MMS22L: variants seen among roughly 807,000 people sequenced by gnomAD.
MMS22L encodes the protein protein MMS22-like.
A neutral mutation model predicts 159.1 loss-of-function variants in MMS22L; 74 were observed. That is an observed-to-expected ratio of 0.47 (90% CI 0.39 to 0.56). The LOEUF (loss-of-function observed/expected upper bound fraction) is 0.56, where lower values mean the gene tolerates loss of function less well. Ranked by LOEUF, MMS22L falls within the 20% of genes least tolerant of loss-of-function variation. MMS22L has a pLI of 0.00. For synonymous variants in MMS22L, 517 were observed against 506.9 expected, an observed-to-expected ratio of 1.02 and a Z score of -0.27; for missense variants, 1,351 against 1,422.1, an observed-to-expected ratio of 0.95 and a Z score of 0.80.
upstream of MMS22L, chr6:97,283,403 C>T (rs932185520): frequency 6.8e-6 from 1 of 146,750 alleles, no homozygotes; most frequent in Non-Finnish European, 1.5e-5. Context: ...AAAAAAAAAA[C>T]AGAACTGCTG....
At position 97,168,212 on chromosome 6, in the gene MMS22L, G is replaced by A. The variant is rs1306862212; in HGVS notation, c.2868C>T (p.Ile956=). 6.2e-7 allele frequency: 1 copy of A among 1,612,840 alleles called. No homozygotes were observed. The highest frequency in any genetic ancestry group is 1.1e-5 in the South Asian group (1 of 90,998). The change falls in exon 20 of 25, where the codon ATC becomes ATT. Residue 956 remains isoleucine, a synonymous_variant. Coordinates refer to ENST00000683635, the MANE Select transcript of MMS22L (RefSeq NM_001350599.2). Reference sequence around the variant, plus strand: ...ATTTTTGGGCTTTAGAAGTGGCAAAGATTTGTGCCCATGATTTCACAAGAA... The same window carrying A: ...ATTTTTGGGCTTTAGAAGTGGCAAAAATTTGTGCCCATGATTTCACAAGAA... ...MGILVKSWAQ[I]FATSKAQKLL... is the part of the protein sequence containing the mutation.
intron 4 of MMS22L, among the ~76,000 whole-genome samples, chr6:97,276,085 A>G (rs1013803728): frequency 6.6e-6 from 1 of 152,194 alleles, no homozygotes; most frequent in Admixed American, 6.5e-5. Context: ...TTCTGCCTCA[A>G]CTGGAAATTA....
At chr6:97,215,577 A>G (rs1423416879) in intron 14 of MMS22L, among the ~76,000 whole-genome samples, 1 of 152,104 alleles carries the variant, frequency 6.6e-6, no homozygotes, top group African/African-American at 2.4e-5. Context: ...TGTGCTAGGC[A>G]ATTTAGATCC....
At chr6:97,204,133 C>T (rs907985456) in intron 14 of MMS22L, among the ~76,000 whole-genome samples, 5 of 152,098 alleles carry the variant, frequency 3.3e-5, no homozygotes, top group African/African-American at 1.2e-4. Context: ...GTTTATTAAA[C>T]AATATTATTT....
chr6:97,267,890 T>C lies in MMS22L; in HGVS notation c.810A>G (p.Ser270=). The change falls in exon 8 of 25, where the codon TCA becomes TCG. Residue 270 remains serine (S), a synonymous_variant. Coordinates refer to ENST00000683635, the MANE Select transcript of MMS22L (RefSeq NM_001350599.2). The stretch of plus-strand genomic sequence containing the variant: ...GCATTACCTTGTCGTACCTGTTGAG[T>C]GACAGGCTTATTAAATCACAAAGGA... The part of the protein sequence containing the change: ...ETLLCDLISL[S]LNRYDKVRSS... The C allele has an allele frequency of 6.2e-7, 1 of 1,606,582 alleles. No individual in the cohort carries two copies. The highest frequency in any genetic ancestry group is 8.5e-7 in the Non-Finnish European group (1 of 1,177,772).
intron 22 of MMS22L, among the ~76,000 whole-genome samples, chr6:97,160,456 C>A (rs1034071007): frequency 6.6e-6 from 1 of 152,052 alleles, no homozygotes; most frequent in Admixed American, 6.6e-5. Flanking sequence ...CCCCCAGTTT[C>A]CTCTGAGAAG....
At chr6:97,188,301 T>G (rs2128282856) in intron 14 of MMS22L, among the ~76,000 whole-genome samples, 1 of 152,362 alleles carries the variant, frequency 6.6e-6, no homozygotes, top group South Asian at 2.1e-4. Context: ...CTTATGGTAC[T>G]TGAGTAGGAT....
At chr6:97,191,039 T>C (rs1805808931) in intron 14 of MMS22L, among the ~76,000 whole-genome samples, 1 of 152,220 alleles carries the variant, frequency 6.6e-6, no homozygotes. Flanking sequence ...TTCATCTGAC[T>C]GCTCTTTTGC....
rs1252558726 is a variant in MMS22L, at chr6:97,229,188, G to A, written c.1745C>T (p.Ala582Val). Residue 582 changes from alanine (A) to valine (V), a missense_variant, in exon 14 of 25, where the codon GCC (alanine) becomes GTC (valine). Physicochemically the swap from Ala to Val is moderately conservative, Grantham distance 64. Transcript: ENST00000683635. ...AACACCAATGTCCAGATTTTTCTGG[G>A]CATACATCAAGAGGAAGGCCATGTG... ...KGHMAFLLMYAQKNLDIGVLA... is the reference protein window; with the variant it reads ...KGHMAFLLMYVQKNLDIGVLA... The A allele has an allele frequency of 6.2e-7, 1 of 1,613,926 alleles. No individual in the cohort carries two copies. Among genetic ancestry groups the A allele is most frequent in the East Asian group, 2.2e-5 (1 of 44,882 alleles).
chr6:97,246,224 T>C, intron 11 of MMS22L: 1 of 439,282 alleles, frequency 2.3e-6, no homozygotes, highest in South Asian at 1.7e-5. Context: ...AGTTAGAATA[T>C]GATTCAAGCC....
chr6:97,268,557 A>C (rs1281553765), intron 7 of MMS22L, among the ~76,000 whole-genome samples: 1 of 152,068 alleles, frequency 6.6e-6, no homozygotes, highest in Non-Finnish European at 1.5e-5. Flanking sequence ...ATCTTTAAGA[A>C]GCATTAATGC....
At chr6:97,248,812 T>G (rs1402721392) in intron 10 of MMS22L, among the ~76,000 whole-genome samples, 1 of 151,440 alleles carries the variant, frequency 6.6e-6, no homozygotes, top group Non-Finnish European at 1.5e-5. Flanking sequence ...TGAGCAGAGA[T>G]CGTGCCATTG....
At chr6:97,166,305 CATTAT>C (rs1206844922) in intron 20 of MMS22L, among the ~76,000 whole-genome samples, 9 of 152,062 alleles carry the variant, frequency 5.9e-5, no homozygotes, top group Non-Finnish European at 1.3e-4. Context: ...CACAGCAATA[CATTAT>C]ATTATAAAAG....
At chr6:97,251,835 G>A (rs1813267353) in intron 10 of MMS22L, among the ~76,000 whole-genome samples, 1 of 152,186 alleles carries the variant, frequency 6.6e-6, no homozygotes, top group Non-Finnish European at 1.5e-5. Flanking sequence ...TGTAATCCCA[G>A]CACTTTGAGA....
chr6:97,162,124 CGAG>C lies in MMS22L; in HGVS notation c.3260_3262del (p.Pro1087del). ...GATGAAGGCCAGAATGGATGCTAAG[CGAG>C]GAGGAGGTGAGGACCCCTTATACTC... On this transcript the variant is annotated inframe_deletion, in exon 22 of 25. Transcript: ENST00000683635. The C allele has an allele frequency of 3.1e-6, 5 of 1,610,378 alleles. No individual in the cohort carries two copies. Among genetic ancestry groups the C allele is most frequent in the Non-Finnish European group, 4.2e-6 (5 of 1,178,564 alleles).
chr6:97,209,892 A>T (rs1298045386), intron 14 of MMS22L, among the ~76,000 whole-genome samples: 1 of 151,966 alleles, frequency 6.6e-6, no homozygotes, highest in Non-Finnish European at 1.5e-5. Flanking sequence ...CAGAAAACTA[A>T]ATAATGGTAA....
chr6:97,203,266 G>C (rs570823456), intron 14 of MMS22L, among the ~76,000 whole-genome samples: 1 of 152,246 alleles, frequency 6.6e-6, no homozygotes, highest in Middle Eastern at 3.4e-3. Context: ...TTTTAGGTAA[G>C]ATTAACCTTT....
chr6:97,243,608 G>A (rs931013805), intron 11 of MMS22L, among the ~76,000 whole-genome samples: 8 of 152,074 alleles, frequency 5.3e-5, no homozygotes, highest in African/African-American at 1.7e-4. Context: ...TCTTGGTTTG[G>A]ATTAATGGCT....
At chr6:97,208,475 T>C (rs541320335) in intron 14 of MMS22L, among the ~76,000 whole-genome samples, 40 of 151,842 alleles carry the variant, frequency 2.6e-4, no homozygotes, top group Non-Finnish European at 5.2e-4. Context: ...ATATTTCAAG[T>C]GGTAAATGTT....
Sources: gnomAD v4.1 joint callset for allele counts (sites outside exome capture counted in the v4.1 genomes callset) on GRCh38, gnomAD v4.1.1 for gene constraint, MANE v1.5 for transcripts, NCBI Gene and HGNC (gene_info 2026-07-23, HGNC 2026-07-21) for gene names.